Variants in KLHL1 observed in about 807,000 individuals in gnomAD.
KLHL1 encodes kelch-like protein 1.
In KLHL1, 47 loss-of-function variants were observed where a neutral mutation model predicts 77.7. The ratio of observed to expected loss-of-function variants is 0.60; its 90% confidence interval spans 0.48 to 0.77. The LOEUF (loss-of-function observed/expected upper bound fraction) is 0.77. Among genes scored for constraint, KLHL1 ranks in the 30% least tolerant of loss-of-function variants. KLHL1 has a pLI of 0.00. For synonymous variants in KLHL1, 360 were observed against 325.2 expected, an observed-to-expected ratio of 1.11 and a Z score of -1.15; for missense variants, 925 against 910.8, an observed-to-expected ratio of 1.02 and a Z score of -0.20.
chr13:70,052,183 G>A (rs879703137), intron 1 of KLHL1, among the ~76,000 whole-genome samples: 6 of 151,682 alleles, frequency 4.0e-5, no homozygotes, highest in African/African-American at 7.3e-5. Flanking sequence ...AATCAGAACC[G>A]GAATTCAAAA....
chr13:69,799,014 G>T (rs1303385274), intron 6 of KLHL1, among the ~76,000 whole-genome samples: 1 of 152,006 alleles, frequency 6.6e-6, no homozygotes, highest in African/African-American at 2.4e-5. Flanking sequence ...CCTTGAACGT[G>T]GGAGGCAGAG....
intron 7 of KLHL1, among the ~76,000 whole-genome samples, chr13:69,795,400 T>A (rs748764923): frequency 4.6e-5 from 7 of 152,202 alleles, no homozygotes; most frequent in Admixed American, 2.0e-4. Flanking sequence ...ATCTGTGGAT[T>A]TGCAATTAAA....
chr13:69,885,162 G>C (rs993316459), intron 4 of KLHL1, among the ~76,000 whole-genome samples: 2 of 135,818 alleles, frequency 1.5e-5, no homozygotes, highest in East Asian at 1.9e-4. Flanking sequence ...GGATGGTCTC[G>C]ATCTCCTGAC....
At chr13:69,932,645 C>T (rs551356566) in intron 4 of KLHL1, among the ~76,000 whole-genome samples, 11 of 151,910 alleles carry the variant, frequency 7.2e-5, no homozygotes, top group African/African-American at 2.6e-4. Context: ...AAAAATTTAA[C>T]CTACTGTACC....
chr13:69,710,085 GTA>G (rs929897295), intron 9 of KLHL1, among the ~76,000 whole-genome samples: 1 of 151,058 alleles, frequency 6.6e-6, no homozygotes, highest in Non-Finnish European at 1.5e-5. Context: ...GCAAATATAA[GTA>G]TATATATATA....
At chr13:70,022,657 T>C (rs2137354109) in intron 1 of KLHL1, among the ~76,000 whole-genome samples, 1 of 152,070 alleles carries the variant, frequency 6.6e-6, no homozygotes, top group African/African-American at 2.4e-5. Flanking sequence ...CAAACAAATA[T>C]CCTTGATTTC....
At chr13:69,943,388 G>T (rs1257766354) in intron 3 of KLHL1, among the ~76,000 whole-genome samples, 2 of 151,988 alleles carry the variant, frequency 1.3e-5, no homozygotes, top group Non-Finnish European at 2.9e-5. Context: ...TCTAAAGCAT[G>T]CCTCCAAGCA....
intron 4 of KLHL1, among the ~76,000 whole-genome samples, chr13:69,893,205 A>G (rs2138212313): frequency 6.6e-6 from 1 of 152,120 alleles, no homozygotes; most frequent in South Asian, 2.1e-4. Context: ...TAAAGTGATA[A>G]TTCTCTTGGT....
At chr13:69,894,991 A>T (rs1002819580) in intron 4 of KLHL1, 20 of 501,556 alleles carry the variant, frequency 4.0e-5, no homozygotes, top group Non-Finnish European at 7.1e-5. Flanking sequence ...TGAGCTCACA[A>T]ATGTAGACAC....
At chr13:70,026,873 G>T (rs1339464161) in intron 1 of KLHL1, among the ~76,000 whole-genome samples, 1 of 151,732 alleles carries the variant, frequency 6.6e-6, no homozygotes, top group African/African-American at 2.4e-5. Context: ...GACAAATAGA[G>T]GACTAAAAGT....
intron 1 of KLHL1, among the ~76,000 whole-genome samples, chr13:70,054,461 T>C (rs1886697492): frequency 6.6e-6 from 1 of 152,076 alleles, no homozygotes; most frequent in Non-Finnish European, 1.5e-5. Flanking sequence ...AATGGATATA[T>C]ACGTAACATT....
At chr13:69,736,041 CTTAA>C (rs1164933121) in intron 8 of KLHL1, among the ~76,000 whole-genome samples, 2 of 151,942 alleles carry the variant, frequency 1.3e-5, no homozygotes, top group Non-Finnish European at 2.9e-5. Flanking sequence ...ATAAATGGGA[CTTAA>C]TTAAACTAAA....
In KLHL1 at chr13:69,796,837, G is replaced by A. The variant is rs1320029799; in HGVS notation, c.1540C>T (p.Arg514Ter). 1.1e-5 allele frequency: 17 copies of A among 1,613,906 alleles called. No homozygotes were observed. Among genetic ancestry groups the A allele is most frequent in the Admixed American group, 1.7e-5 (1 of 59,982 alleles). ...GTGTTCAATGTCTTTAAGCCATCTCGACCTCCAATTACAAAGAGTTTGTCA... is the reference window on the plus strand; with the variant it reads ...GTGTTCAATGTCTTTAAGCCATCTCAACCTCCAATTACAAAGAGTTTGTCA... ...IDDKLFVIGG[R>*]DGLKTLNTVE... The change falls in exon 7 of 11, where the codon CGA (arginine) becomes TGA (stop). Residue 514 changes from arginine to a stop codon, truncating the protein, a stop_gained. Coordinates refer to ENST00000377844, the MANE Select transcript of KLHL1 (RefSeq NM_020866.3). LOFTEE classifies it high-confidence loss of function.
At chr13:69,934,967 T>TATATATATATATATATAC (rs1883125934) in intron 4 of KLHL1, among the ~76,000 whole-genome samples, 3 of 49,622 alleles carry the variant, frequency 6.0e-5, no homozygotes, top group African/African-American at 1.7e-4. Flanking sequence ...CATGTGTATA[T>TATATATATATATATATAC]ATATATATAT....
chr13:69,726,441 G>A (rs776075293), intron 8 of KLHL1, among the ~76,000 whole-genome samples: 18 of 152,020 alleles, frequency 1.2e-4, no homozygotes, highest in Non-Finnish European at 2.1e-4. Context: ...ATATTTTAAC[G>A]TGCTTTACAG....
chr13:70,099,129 A>G (rs1887863492), intron 1 of KLHL1, among the ~76,000 whole-genome samples: 1 of 151,874 alleles, frequency 6.6e-6, no homozygotes, highest in Non-Finnish European at 1.5e-5. Context: ...TCTCTCTGAT[A>G]TAAACACATA....
chr13:70,103,710 G>A lies in KLHL1; in HGVS notation c.497+3493C>T, dbSNP rs114170510. Reference sequence around the variant, plus strand: ...GGGGAAAGAAGATATTGACCAATGTGACCCTGGAATTCTGGCTTGCACAAA... The same window carrying A: ...GGGGAAAGAAGATATTGACCAATGTAACCCTGGAATTCTGGCTTGCACAAA... On this transcript the variant is annotated intron_variant, in intron 1 of 10. Coordinates refer to ENST00000377844, the MANE Select transcript of KLHL1 (RefSeq NM_020866.3). Among the ~76,000 whole-genome samples the A allele has an allele frequency of 7.7e-3, 1,175 of 152,292 alleles. 12 individuals carry two copies. Among genetic ancestry groups the A allele is most frequent in the African/African-American group, 0.027 (1,121 of 41,578 alleles).
At chr13:69,997,819 T>C (rs1457233717) in intron 1 of KLHL1, among the ~76,000 whole-genome samples, 1 of 149,300 alleles carries the variant, frequency 6.7e-6, no homozygotes, top group Non-Finnish European at 1.5e-5. Flanking sequence ...TTCTTTATTA[T>C]ATATATATCT....
intron 9 of KLHL1, among the ~76,000 whole-genome samples, chr13:69,711,404 A>G (rs1875871835): frequency 6.6e-6 from 1 of 152,134 alleles, no homozygotes; most frequent in Admixed American, 6.6e-5. Flanking sequence ...CATAGATTTC[A>G]AGTACATTAA....
Sources: allele counts gnomAD v4.1 joint callset (sites outside exome capture counted in the v4.1 genomes callset), GRCh38; gene constraint gnomAD v4.1.1; transcripts MANE v1.5; gene names NCBI Gene and HGNC (gene_info 2026-07-23, HGNC 2026-07-21).